PDE4B: variants seen among roughly 807,000 people sequenced by gnomAD.
PDE4B encodes the protein phosphodiesterase 4B.
PDE4B carries 20 observed loss-of-function variants against 82.2 expected under a neutral mutation model. The ratio of observed to expected loss-of-function variants is 0.24; its 90% CI spans 0.17 to 0.35. The LOEUF (loss-of-function observed/expected upper bound fraction) is 0.35. Among genes scored for constraint, PDE4B ranks in the 10% least tolerant of loss-of-function variants. PDE4B has a pLI of 1.00. For synonymous variants in PDE4B, 320 were observed against 318.9 expected (o/e 1.00, Z -0.04); for missense variants, 655 against 907.2 (o/e 0.72, Z 3.57).
rs1654913996 is a variant in PDE4B, at chr1:66,264,769, A to G, written c.585-1269A>G. On this transcript the variant is annotated intron_variant, in intron 6 of 16. Transcript: ENST00000341517. ...AGGGAATTAATTCTGTGGCCACACC[A>G]GTAGGAAGACTCTTCTTTAGCAACA... 2.0e-5 allele frequency among the ~76,000 whole-genome samples: 3 copies of G among 152,220 alleles called. No individual in the cohort carries two copies. In the South Asian group the frequency reaches 6.2e-4, roughly 32 times the overall value.
At chr1:66,111,242 G>A (rs968776894) in intron 3 of PDE4B, among the ~76,000 whole-genome samples, 4 of 151,974 alleles carry the variant, frequency 2.6e-5, no homozygotes, top group Non-Finnish European at 5.9e-5. Context: ...CAAAAGAACT[G>A]ACATATTTTC....
chr1:66,023,648 A>C (rs2503213), intron 3 of PDE4B, among the ~76,000 whole-genome samples: 149,311 of 152,246 alleles, frequency 0.98, 73,274 homozygotes, highest in Middle Eastern at 1. Context: ...CAATTGAAGA[A>C]AATTACAAGG....
intron 7 of PDE4B, among the ~76,000 whole-genome samples, chr1:66,293,821 T>C (rs757122371): frequency 6.6e-6 from 1 of 152,134 alleles, no homozygotes; most frequent in Non-Finnish European, 1.5e-5. Flanking sequence ...GCATAAAGGC[T>C]AGGTATGTGA....
intron 3 of PDE4B, among the ~76,000 whole-genome samples, chr1:65,982,515 A>G (rs928082220): frequency 4.6e-5 from 7 of 152,194 alleles, no homozygotes; most frequent in African/African-American, 1.7e-4. Context: ...ATCATTTGCT[A>G]CAAAGAGAAG....
At chr1:66,146,370 AGATGGG>A (rs1557593144) in intron 3 of PDE4B, among the ~76,000 whole-genome samples, 9 of 151,784 alleles carry the variant, frequency 5.9e-5, no homozygotes, top group South Asian at 2.1e-4. Context: ...TTTTTAGTGG[AGATGGG>A]GTTTCACAGT....
At chr1:66,349,862 C>G (rs1293807963) in intron 8 of PDE4B, among the ~76,000 whole-genome samples, 1 of 152,122 alleles carries the variant, frequency 6.6e-6, no homozygotes, top group African/African-American at 2.4e-5. Context: ...ATTTGCTTTA[C>G]TTCTTTGGGT....
chr1:65,861,201 A>G (rs1286921810), intron 1 of PDE4B, among the ~76,000 whole-genome samples: 1 of 152,158 alleles, frequency 6.6e-6, no homozygotes, highest in Non-Finnish European at 1.5e-5. Context: ...TAAATCTTTA[A>G]TCCATCTTGA....
At chr1:66,229,153 G>A (rs985208815) in intron 3 of PDE4B, among the ~76,000 whole-genome samples, 34 of 146,152 alleles carry the variant, frequency 2.3e-4, no homozygotes, top group Non-Finnish European at 4.1e-4. Context: ...GATTACAGGC[G>A]CCCACCACCA....
chr1:66,206,289 C>T (rs1044182564), intron 3 of PDE4B, among the ~76,000 whole-genome samples: 11 of 152,090 alleles, frequency 7.2e-5, no homozygotes, highest in South Asian at 2.1e-4. Flanking sequence ...GAAGATCTAC[C>T]GGAAAGCTTC....
intron 3 of PDE4B, among the ~76,000 whole-genome samples, chr1:66,193,237 CT>C (rs1345033843): frequency 2.0e-5 from 3 of 152,078 alleles, no homozygotes; most frequent in Non-Finnish European, 2.9e-5. Flanking sequence ...TTTAAACTGC[CT>C]TTGGTTTGAG....
At chr1:65,885,008 T>G (rs2100356948) in intron 1 of PDE4B, among the ~76,000 whole-genome samples, 1 of 151,890 alleles carries the variant, frequency 6.6e-6, no homozygotes, top group East Asian at 1.9e-4. Flanking sequence ...TCAAATAAAT[T>G]TACAAGAAAA....
Position 66,148,402 on chromosome 1 carries a change from A to G in PDE4B, c.282-99058A>G, listed in dbSNP as rs78164521. Among the ~76,000 whole-genome samples, 298 of 152,262 alleles carry G rather than the reference A, an allele frequency of 2.0e-3. 7 individuals carry two copies. In the East Asian group the frequency reaches 0.054, roughly 28 times the overall value. On this transcript the variant is annotated intron_variant, in intron 3 of 16. Coordinates refer to ENST00000341517, the MANE Select transcript of PDE4B (RefSeq NM_002600.4). ...TCTAAATCCTGTCTATTCTTGAAGG[A>G]TGCTGAAAGCTTTCTATGCCGATTC...
chr1:66,215,916 T>C (rs747732636), intron 3 of PDE4B, among the ~76,000 whole-genome samples: 2 of 151,972 alleles, frequency 1.3e-5, no homozygotes, highest in Non-Finnish European at 2.9e-5. Context: ...GAGCCAGTGG[T>C]GAGGGGAAGC....
At chr1:66,256,893 G>T (rs553911872) in intron 4 of PDE4B, among the ~76,000 whole-genome samples, 2 of 152,310 alleles carry the variant, frequency 1.3e-5, no homozygotes, top group South Asian at 4.1e-4. Context: ...ATGTCTTCTA[G>T]TACCTTCAAT....
At chr1:65,946,564 T>A (rs989086200) in intron 3 of PDE4B, among the ~76,000 whole-genome samples, 14 of 151,964 alleles carry the variant, frequency 9.2e-5, no homozygotes, top group Non-Finnish European at 1.8e-4. Flanking sequence ...GTTTCCATGG[T>A]TTGTTACTCA....
intron 3 of PDE4B, among the ~76,000 whole-genome samples, chr1:66,242,663 T>C (rs1029452392): frequency 2.6e-5 from 4 of 152,228 alleles, no homozygotes; most frequent in Admixed American, 6.5e-5. Flanking sequence ...CTGGCTTAAC[T>C]TGAATTCTAG....
chr1:65,891,370 A>G (rs1339815697), intron 1 of PDE4B, among the ~76,000 whole-genome samples: 2 of 152,098 alleles, frequency 1.3e-5, no homozygotes, highest in East Asian at 3.9e-4. Flanking sequence ...AGCGGTTGGA[A>G]GTATATATTG....
At position 66,247,466 on chromosome 1, in the gene PDE4B, T is replaced by C; in HGVS notation, c.288T>C (p.Asp96=). The C allele has an allele frequency of 1.3e-6, 2 of 1,569,890 alleles. No homozygotes were observed. Among genetic ancestry groups the C allele is most frequent in the Non-Finnish European group, 1.7e-6 (2 of 1,159,714 alleles). The change falls in exon 4 of 17, where the codon GAT becomes GAC. Residue 96 remains aspartate (D), a synonymous_variant. Coordinates refer to ENST00000341517, the MANE Select transcript of PDE4B (RefSeq NM_002600.4). ...TTCCCACTTTCTCTTTAAGCTTTGA[T>C]GTGGAAAATGGCCCTTCCCCAGGTC... ...AITTVSQECF[D]VENGPSPGRS... is the part of the protein sequence containing the mutation.
chr1:66,073,818 A>C (rs1656283958), intron 3 of PDE4B, among the ~76,000 whole-genome samples: 1 of 152,160 alleles, frequency 6.6e-6, no homozygotes, highest in Non-Finnish European at 1.5e-5. Flanking sequence ...TAAGGACATT[A>C]ACAAACAAGA....
Sources: allele counts gnomAD v4.1 joint callset (sites outside exome capture counted in the v4.1 genomes callset), GRCh38; gene constraint gnomAD v4.1.1; transcripts MANE v1.5; gene names NCBI Gene and HGNC (gene_info 2026-07-23, HGNC 2026-07-21).